Variants in TAF4 observed in about 807,000 individuals in gnomAD.
TAF4 encodes transcription initiation factor TFIID subunit 4.
In TAF4, 9 loss-of-function variants were observed where a neutral mutation model predicts 90.3. The ratio of observed to expected loss-of-function variants is 0.10; its 90% CI spans 0.06 to 0.17. The LOEUF (loss-of-function observed/expected upper bound fraction) is 0.17, where lower values mean the gene tolerates loss of function less well. TAF4 is among the 10% of genes least tolerant of loss of function. TAF4 has a pLI of 1.00. For missense variants in TAF4, 1,351 were observed against 1,370.7 expected (o/e 0.99, Z 0.23); for synonymous variants, 818 against 638.9 (o/e 1.28, Z -4.23).
At chr20:61,982,193 C>T (rs559226021) in intron 14 of TAF4, among the ~76,000 whole-genome samples, 59 of 29,974 alleles carry the variant, frequency 2.0e-3, no homozygotes, top group East Asian at 5.6e-3. Context: ...ACCAAACCCA[C>T]ACCCCACCCG....
intron 2 of TAF4, among the ~76,000 whole-genome samples, chr20:62,013,475 C>T (rs2055791655): frequency 6.6e-6 from 1 of 152,224 alleles, no homozygotes; most frequent in African/African-American, 2.4e-5. Context: ...AGTGAAGCCA[C>T]GAGTGTCTTC....
intron 3 of TAF4, chr20:62,012,070 G>A (rs529419984): frequency 1.3e-5 from 2 of 152,416 alleles, no homozygotes; most frequent in Admixed American, 6.5e-5. Context: ...TGAGCTGTCA[G>A]GAGCATCAGC....
chr20:62,023,126 T>C (rs191523452), intron 1 of TAF4, among the ~76,000 whole-genome samples: 7 of 152,134 alleles, frequency 4.6e-5, no homozygotes, highest in Non-Finnish European at 7.3e-5. Flanking sequence ...TGCAAAAGTC[T>C]TAGATTAACC....
At chr20:61,994,902 C>T (rs1168187374) in intron 14 of TAF4, among the ~76,000 whole-genome samples, 2 of 152,188 alleles carry the variant, frequency 1.3e-5, no homozygotes, top group African/African-American at 4.8e-5. Flanking sequence ...AAGACCTTTC[C>T]TTGTACGTAA....
At chr20:61,988,274 G>A (rs2055607847) in intron 14 of TAF4, among the ~76,000 whole-genome samples, 1 of 152,190 alleles carries the variant, frequency 6.6e-6, no homozygotes, top group Non-Finnish European at 1.5e-5. Flanking sequence ...CGGCCAAGCG[G>A]GGGAGGCTGT....
rs2055718792 is a variant in TAF4 at position 62,003,210 on chromosome 20, T to A, written c.2436A>T (p.Ala812=). 6.2e-7 allele frequency: 1 copy of A among 1,614,224 alleles called. No individual in the cohort carries two copies. Among genetic ancestry groups the A allele is most frequent in the Non-Finnish European group, 8.5e-7 (1 of 1,180,038 alleles). Residue 812 remains alanine (A), a synonymous_variant, in exon 9 of 15, where the codon GCA becomes GCT. Coordinates refer to ENST00000252996, the MANE Select transcript of TAF4 (RefSeq NM_003185.4). ...TKALSAVSAQ[A]AAAQKNKLKE... Reference sequence around the variant, plus strand: ...TGAGTTTATTTTTCTGTGCAGCAGCTGCTTGTGCCGAGACAGCAGAAAGGG... The same window carrying A: ...TGAGTTTATTTTTCTGTGCAGCAGCAGCTTGTGCCGAGACAGCAGAAAGGG...
In TAF4 at chr20:61,999,169, T is replaced by G. The variant is rs529860551; in HGVS notation, c.2788-61A>C. 35 of 1,590,330 alleles carry G rather than the reference T, an allele frequency of 2.2e-5. No individual in the cohort carries two copies. The African/African-American group carries it at 4.5e-4, about 21-fold the overall frequency. On this transcript the variant is annotated intron_variant, in intron 11 of 14. Coordinates refer to ENST00000252996, the MANE Select transcript of TAF4 (RefSeq NM_003185.4). ...CTGAGAGCCCAGCAAGCAAAGGGGT[T>G]GTCTAGCACCACTGGACCATCCGTG... is the stretch of plus-strand genomic sequence containing the variant.
In TAF4 at chr20:62,064,873, G is replaced by A. The variant is rs1198423562; in HGVS notation, c.938C>T (p.Pro313Leu). The A allele has an allele frequency of 4.3e-6, 4 of 931,960 alleles. No homozygotes were observed. Among genetic ancestry groups the A allele is most frequent in the Non-Finnish European group, 5.1e-6 (4 of 786,602 alleles). 57.7% of individuals were successfully genotyped at this position (931,960 alleles called of 1,614,324 possible). A position where few individuals can be genotyped will look rare whatever the true frequency, so the allele number is the denominator to read the frequency against. Reference protein sequence around the residue: ...AQNGGSAGAAPAPAPAAGGPA... With the variant: ...AQNGGSAGAALAPAPAAGGPA... ...GCCCCCGGCGGCCGGGGCGGGGGCG[G>A]GGGCTGCCCCGGCGCTGCCCCCGTT... Residue 313 changes from proline to leucine, a missense_variant, in exon 1 of 15, where the codon CCC becomes CTC. Physicochemically the swap from Pro to Leu is moderately conservative, Grantham distance 98 (BLOSUM62 -3). Around this residue, in one of 9 missense-constraint regions of TAF4, gnomAD observed 782 missense variants for 536.6 expected, o/e 1.46. Transcript: ENST00000252996.
At chr20:62,023,410 A>G (rs2055854935) in intron 1 of TAF4, among the ~76,000 whole-genome samples, 1 of 152,124 alleles carries the variant, frequency 6.6e-6, no homozygotes, top group African/African-American at 2.4e-5. Flanking sequence ...CAGCCTGGGT[A>G]ACAGAATGAG....
intron 1 of TAF4, among the ~76,000 whole-genome samples, chr20:62,027,348 G>A (rs754398852): frequency 1.4e-4 from 21 of 152,106 alleles, no homozygotes; most frequent in Non-Finnish European, 2.4e-4. Context: ...CTTCAGCATC[G>A]GCCTACACAG....
At chr20:61,988,000 T>C (rs1018415078) in intron 14 of TAF4, among the ~76,000 whole-genome samples, 1 of 152,094 alleles carries the variant, frequency 6.6e-6, no homozygotes, top group African/African-American at 2.4e-5. Context: ...AACCACATGA[T>C]ATTCTGGAAA....
intron 1 of TAF4, among the ~76,000 whole-genome samples, chr20:62,060,249 G>A (rs1417668909): frequency 6.6e-6 from 1 of 152,230 alleles, no homozygotes; most frequent in African/African-American, 2.4e-5. Flanking sequence ...AAGCAAGCGG[G>A]ACACCCTCTC....
intron 1 of TAF4, among the ~76,000 whole-genome samples, chr20:62,059,881 A>T (rs930515090): frequency 6.6e-6 from 1 of 152,262 alleles, no homozygotes; most frequent in Non-Finnish European, 1.5e-5. Context: ...TTATGCTTTG[A>T]TCAACTCACT....
In TAF4 at chr20:62,064,705, G is replaced by T; in HGVS notation, c.1106C>A (p.Thr369Lys). ...TGGCCCGATGACCATGCTGGCCGCC[G>T]TGCTGGCCGGGCCGCTGGCCGCCAG... The part of the protein sequence containing the change: ...QTLAASGPAS[T>K]AASMVIGPTM... Residue 369 changes from threonine (T) to lysine (K), a missense_variant, in exon 1 of 15, where the codon ACG becomes AAG. Coordinates refer to ENST00000252996, the MANE Select transcript of TAF4 (RefSeq NM_003185.4). 2.4e-6 allele frequency: 3 copies of T among 1,242,996 alleles called. No individual in the cohort carries two copies. The highest frequency in any genetic ancestry group is 3.0e-6 in the Non-Finnish European group (3 of 996,794). The allele number at this position is 1,242,996 out of a possible 1,614,324, so 77.0% of individuals were successfully genotyped here.
chr20:61,996,755 C>A (rs1246675726), intron 14 of TAF4, among the ~76,000 whole-genome samples: 2 of 149,926 alleles, frequency 1.3e-5, no homozygotes, highest in Non-Finnish European at 3.0e-5. Context: ...GCCAACATCA[C>A]GCCACTGCGC....
chr20:62,049,969 G>A (rs2056017195), intron 1 of TAF4, among the ~76,000 whole-genome samples: 1 of 152,118 alleles, frequency 6.6e-6, no homozygotes, highest in African/African-American at 2.4e-5. Flanking sequence ...GGAGCACACA[G>A]CAGCCCCACG....
At chr20:61,981,680 C>A (rs754661562) in intron 14 of TAF4, among the ~76,000 whole-genome samples, 14 of 151,966 alleles carry the variant, frequency 9.2e-5, no homozygotes, top group African/African-American at 3.4e-4. Context: ...GAGAGCTGGG[C>A]GAATCTCCCC....
chr20:62,000,809 G>A, intron 9 of TAF4, 88 bp from the exon 10 acceptor site: 2 of 1,460,718 alleles, frequency 1.4e-6, no homozygotes, highest in Non-Finnish European at 1.9e-6. Flanking sequence ...AACCCCACGT[G>A]GAAGGCAGGG....
chr20:62,017,291 C>T (rs1004585700), intron 1 of TAF4, among the ~76,000 whole-genome samples: 15 of 152,194 alleles, frequency 9.9e-5, no homozygotes, highest in African/African-American at 3.4e-4. Context: ...TCAAACCTGA[C>T]ATTCTCATAG....
Sources: allele counts gnomAD v4.1 joint callset (sites outside exome capture counted in the v4.1 genomes callset), GRCh38; gene constraint gnomAD v4.1.1; regional missense constraint gnomAD v4.1.1; transcripts MANE v1.5; gene names NCBI Gene and HGNC (gene_info 2026-07-23, HGNC 2026-07-21).